The following CREB5 variants were observed in gnomAD, a reference collection of about 807,000 sequenced individuals.
CREB5 encodes cAMP responsive element binding protein 5.
CREB5 carries 19 observed loss-of-function variants against 57.1 expected under a neutral mutation model. That is an observed-to-expected ratio of 0.33 (90% CI 0.23 to 0.49). The LOEUF (loss-of-function observed/expected upper bound fraction) is 0.49, where lower values mean the gene tolerates loss of function less well. Ranked by LOEUF, CREB5 falls within the 20% of genes least tolerant of loss-of-function variation. The pLI is 0.99. For missense variants in CREB5, 579 were observed against 671.6 expected, an observed-to-expected ratio of 0.86 and a Z score of 1.52; for synonymous variants, 238 against 238.3, an observed-to-expected ratio of 1.00 and a Z score of 0.01.
intron 1 of CREB5, among the ~76,000 whole-genome samples, chr7:28,471,093 G>C (rs972886236): frequency 2.6e-5 from 4 of 151,996 alleles, no homozygotes; most frequent in African/African-American, 9.7e-5. Context: ...TAATCCCATT[G>C]GTCCATTTTT....
intron 1 of CREB5, among the ~76,000 whole-genome samples, chr7:28,367,209 A>AT (rs1786605664): frequency 6.6e-6 from 1 of 151,998 alleles, no homozygotes; most frequent in Non-Finnish European, 1.5e-5. Flanking sequence ...CCATCTCTTC[A>AT]TCAGTCCCAA....
chr7:28,564,815 G>C (rs930742465), intron 4 of CREB5, among the ~76,000 whole-genome samples: 3 of 152,118 alleles, frequency 2.0e-5, no homozygotes, highest in African/African-American at 7.2e-5. Flanking sequence ...TTTTTGGGAG[G>C]CTCACTTCTA....
At chr7:28,435,711 A>C in intron 1 of CREB5, 1 of 963,466 alleles carries the variant, frequency 1.0e-6, no homozygotes, top group Non-Finnish European at 1.2e-6. Flanking sequence ...GTTGTATAAT[A>C]CTCGTGTGAC....
At chr7:28,342,494 C>T (rs1042727532) in intron 1 of CREB5, among the ~76,000 whole-genome samples, 11 of 152,328 alleles carry the variant, frequency 7.2e-5, no homozygotes, top group Non-Finnish European at 1.5e-4. Context: ...CATCAAACAA[C>T]TCAATTAACA....
intron 1 of CREB5, among the ~76,000 whole-genome samples, chr7:28,382,395 C>G (rs1385620112): frequency 6.6e-6 from 1 of 152,104 alleles, no homozygotes; most frequent in Non-Finnish European, 1.5e-5. Context: ...GTGGCAGGCT[C>G]AGGGCCTCCT....
chr7:28,809,337 A>C lies in CREB5; in HGVS notation c.1177A>C (p.Arg393=). ...ERNRAAATRC[R]QKRKVWVMSL... The stretch of plus-strand genomic sequence containing the variant: ...GAACCGGGCAGCTGCCACCCGCTGC[A>C]GACAGAAGAGGAAGGTCTGGGTGAT... The change falls in exon 9 of 11, where the codon AGA becomes CGA. Residue 393 remains arginine, a synonymous_variant. Coordinates refer to ENST00000357727, the MANE Select transcript of CREB5 (RefSeq NM_182898.4). The C allele has an allele frequency of 3.7e-6, 6 of 1,614,172 alleles. No individual in the cohort carries two copies. Among genetic ancestry groups the C allele is most frequent in the Non-Finnish European group, 5.1e-6 (6 of 1,180,024 alleles).
intron 1 of CREB5, among the ~76,000 whole-genome samples, chr7:28,479,262 A>G (rs1791221872): frequency 6.6e-6 from 1 of 150,814 alleles, no homozygotes; most frequent in Non-Finnish European, 1.5e-5. Context: ...AGTGTTGCAC[A>G]GAACCAGTCA....
intron 1 of CREB5, among the ~76,000 whole-genome samples, chr7:28,450,283 C>A (rs1789731411): frequency 6.6e-6 from 1 of 152,108 alleles, no homozygotes. Flanking sequence ...ATATGCCTAG[C>A]TGAGTTTTGA....
chr7:28,417,561 C>A (rs1053436935), intron 1 of CREB5, among the ~76,000 whole-genome samples: 3 of 152,178 alleles, frequency 2.0e-5, no homozygotes, highest in African/African-American at 7.2e-5. Context: ...AACACTGATA[C>A]CCTTCCACTC....
At chr7:28,690,442 T>A (rs1801191619) in intron 5 of CREB5, among the ~76,000 whole-genome samples, 1 of 152,238 alleles carries the variant, frequency 6.6e-6, no homozygotes, top group East Asian at 1.9e-4. Context: ...GGGGATAATA[T>A]CAAGCAGGCA....
intron 1 of CREB5, among the ~76,000 whole-genome samples, chr7:28,344,144 A>T (rs1785991013): frequency 6.6e-6 from 1 of 151,188 alleles, no homozygotes; most frequent in African/African-American, 2.4e-5. Flanking sequence ...CCCATTCTGT[A>T]GGTTGTCTCT....
intron 7 of CREB5, among the ~76,000 whole-genome samples, chr7:28,773,336 G>A (rs946573791): frequency 2.6e-5 from 4 of 152,150 alleles, no homozygotes; most frequent in Non-Finnish European, 4.4e-5. Context: ...AGAACTCAAG[G>A]AAGTAGTTTT....
intron 1 of CREB5, among the ~76,000 whole-genome samples, chr7:28,305,782 T>A (rs1785171553): frequency 6.6e-6 from 1 of 152,046 alleles, no homozygotes; most frequent in Non-Finnish European, 1.5e-5. Flanking sequence ...TTCAATTATT[T>A]ACTTTTGATT....
chr7:28,379,288 C>G (rs935655211), intron 1 of CREB5, among the ~76,000 whole-genome samples: 1 of 152,226 alleles, frequency 6.6e-6, no homozygotes, highest in African/African-American at 2.4e-5. Context: ...CAGACGCTAT[C>G]TACTACACTC....
chr7:28,759,406 G>C (rs1455022430), intron 7 of CREB5, among the ~76,000 whole-genome samples: 5 of 152,120 alleles, frequency 3.3e-5, no homozygotes, highest in African/African-American at 1.2e-4. Context: ...GGGCTTCTTA[G>C]AAAAATGTAT....
intron 4 of CREB5, among the ~76,000 whole-genome samples, chr7:28,568,075 G>A (rs1333549048): frequency 6.6e-6 from 1 of 152,162 alleles, no homozygotes; most frequent in Non-Finnish European, 1.5e-5. Flanking sequence ...AAGGATAGAA[G>A]ATGATGGCAG....
At position 28,729,460 on chromosome 7, in the gene CREB5, A is replaced by G. The variant is rs535304252; in HGVS notation, c.702+5128A>G. Among the ~76,000 whole-genome samples, 12 of 152,272 alleles carry G rather than the reference A, an allele frequency of 7.9e-5. No individual in the cohort carries two copies. In the East Asian group the frequency reaches 1.4e-3, roughly 17 times the overall value. On this transcript the variant is annotated intron_variant, in intron 7 of 10. Transcript: ENST00000357727. ...CATATCCACTTCGTTTTGAATGTCAACCTGGGTGTGTTTGTGTTTGCCTTT... is the reference window on the plus strand; with the variant it reads ...CATATCCACTTCGTTTTGAATGTCAGCCTGGGTGTGTTTGTGTTTGCCTTT...
At chr7:28,447,422 C>T (rs891747511) in intron 1 of CREB5, among the ~76,000 whole-genome samples, 3 of 152,084 alleles carry the variant, frequency 2.0e-5, no homozygotes, top group Non-Finnish European at 2.9e-5. Flanking sequence ...AGCTGCACAC[C>T]GACGGGGGAG....
At chr7:28,676,016 T>A (rs1800305179) in intron 5 of CREB5, among the ~76,000 whole-genome samples, 1 of 152,144 alleles carries the variant, frequency 6.6e-6, no homozygotes, top group Admixed American at 6.5e-5. Flanking sequence ...AATCACTATC[T>A]CTTCATTCTC....
Sources: allele counts gnomAD v4.1 joint callset (sites outside exome capture counted in the v4.1 genomes callset), GRCh38; gene constraint gnomAD v4.1.1; transcripts MANE v1.5; gene names NCBI Gene and HGNC (gene_info 2026-07-23, HGNC 2026-07-21).